ZEB1: variants seen among roughly 807,000 people sequenced by gnomAD.
ZEB1 encodes the protein zinc finger E-box binding homeobox 1.
Under a neutral mutation model 84.9 loss-of-function variants are expected in ZEB1, and 21 were observed. The observed-to-expected ratio is 0.25, with a 90% CI of 0.18 to 0.36. ZEB1 has a LOEUF of 0.36. Ranked by LOEUF, ZEB1 falls within the 10% of genes least tolerant of loss-of-function variation. ZEB1 has a pLI of 1.00. For missense variants in ZEB1, 1,104 were observed against 1,330.2 expected, an observed-to-expected ratio of 0.83 and a Z score of 2.65; for synonymous variants, 420 against 471.1, an observed-to-expected ratio of 0.89 and a Z score of 1.41.
At chr10:31,393,539 G>A (rs919247875) in intron 1 of ZEB1, among the ~76,000 whole-genome samples, 1 of 121,200 alleles carries the variant, frequency 8.3e-6, no homozygotes, top group Non-Finnish European at 1.5e-5. Context: ...AGTTGAGGTA[G>A]ATAGATATTA....
chr10:31,397,223 T>G (rs1281662511), intron 1 of ZEB1, among the ~76,000 whole-genome samples: 1 of 148,284 alleles, frequency 6.7e-6, no homozygotes, highest in Non-Finnish European at 1.5e-5. Flanking sequence ...CTAGGGTACA[T>G]GTGCACAACA....
At position 31,521,414 on chromosome 10, in the gene ZEB1, A is replaced by C; in HGVS notation, c.2082A>C (p.Ser694=). 6.2e-7 allele frequency: 1 copy of C among 1,614,124 alleles called. No homozygotes were observed. The highest frequency in any genetic ancestry group is 8.5e-7 in the Non-Finnish European group (1 of 1,180,016). Residue 694 remains serine, a synonymous_variant, in exon 7 of 9, where the codon TCA becomes TCC. Transcript: ENST00000424869. The part of the protein sequence containing the change: ...MTNSPVLPVG[S]TTNGSRSSTP... The stretch of plus-strand genomic sequence containing the variant: ...ACTCCCCAGTTTTACCAGTGGGATC[A>C]ACCACCAATGGTTCCAGAAGTAGTA...
chr10:31,321,250 C>T, intron 1 of ZEB1: 2 of 1,255,426 alleles, frequency 1.6e-6, no homozygotes, highest in Non-Finnish European at 2.0e-6. Context: ...TAAGCTGTTT[C>T]AAGATGTTTC....
chr10:31,498,352 T>G (rs563125730), intron 3 of ZEB1, among the ~76,000 whole-genome samples: 4 of 152,222 alleles, frequency 2.6e-5, no homozygotes, highest in African/African-American at 9.6e-5. Context: ...TCTGCTCTAA[T>G]AGTAATACAT....
intron 1 of ZEB1, among the ~76,000 whole-genome samples, chr10:31,441,385 A>G (rs912408692): frequency 6.6e-6 from 1 of 152,230 alleles, no homozygotes; most frequent in Non-Finnish European, 1.5e-5. Context: ...TCCTTTCCTT[A>G]CACCTGATAC....
intron 1 of ZEB1, among the ~76,000 whole-genome samples, chr10:31,441,388 C>A (rs943766581): frequency 1.3e-5 from 2 of 152,140 alleles, no homozygotes; most frequent in African/African-American, 4.8e-5. Context: ...TTTCCTTACA[C>A]CTGATACAAA....
chr10:31,342,172 A>G (rs533439317), intron 1 of ZEB1, among the ~76,000 whole-genome samples: 1 of 152,344 alleles, frequency 6.6e-6, no homozygotes, highest in Admixed American at 6.5e-5. Flanking sequence ...TGCCTGACAT[A>G]CAGAATAGGC....
intron 6 of ZEB1, among the ~76,000 whole-genome samples, chr10:31,514,922 G>C (rs1396684329): frequency 6.6e-6 from 1 of 151,948 alleles, no homozygotes; most frequent in African/African-American, 2.4e-5. Context: ...ACATACTCCA[G>C]ATTTCCTAAT....
rs1441663091 is a variant in ZEB1, at chr10:31,461,081, G to C, written c.103G>C (p.Asp35His). The change falls in exon 2 of 9, where the codon GAT becomes CAT. Residue 35 changes from aspartate (D) to histidine (H), a missense_variant. Coordinates refer to ENST00000424869, the MANE Select transcript of ZEB1 (RefSeq NM_001174096.2). Reference sequence around the variant, plus strand: ...GGTAGAAACAAATTCAGATTCAGATGATGAAGACAAACTGCATATTGTGGA... The same window carrying C: ...GGTAGAAACAAATTCAGATTCAGATCATGAAGACAAACTGCATATTGTGGA... ...TVVETNSDSD[D>H]EDKLHIVEEE... 2.5e-6 allele frequency: 4 copies of C among 1,611,242 alleles called. No individual in the cohort carries two copies. The highest frequency in any genetic ancestry group is 3.4e-6 in the Non-Finnish European group (4 of 1,179,514).
chr10:31,354,189 G>C (rs2041760140), intron 1 of ZEB1, among the ~76,000 whole-genome samples: 1 of 152,102 alleles, frequency 6.6e-6, no homozygotes, highest in Admixed American at 6.5e-5. Flanking sequence ...CTGAAACAAT[G>C]ATATTGGAAT....
intron 1 of ZEB1, among the ~76,000 whole-genome samples, chr10:31,429,403 A>G (rs1055941221): frequency 6.6e-6 from 1 of 152,102 alleles, no homozygotes; most frequent in Non-Finnish European, 1.5e-5. Context: ...TCTGGCTTGT[A>G]GGGTTTCGGA....
At chr10:31,505,419 G>A (rs220055) in intron 4 of ZEB1, among the ~76,000 whole-genome samples, 132,663 of 151,986 alleles carry the variant, frequency 0.87, 59,125 homozygotes, top group East Asian at 1. Context: ...TTTCAGTCCC[G>A]GACTTGAAAT....
At chr10:31,488,153 TTTC>T (rs762345896) in intron 2 of ZEB1, among the ~76,000 whole-genome samples, 1 of 151,354 alleles carries the variant, frequency 6.6e-6, no homozygotes, top group East Asian at 1.9e-4. Flanking sequence ...ATTGGTGTTA[TTTC>T]TTCTTTAAAT....
At position 31,448,492 on chromosome 10, in the gene ZEB1, C is replaced by T. The variant is rs1179100419; in HGVS notation, c.59-12545C>T. Reference sequence around the variant, plus strand: ...CCTTTGGAGGAGGAGAGGCACTCTGCGTTTTAGAGTTTCCACTTTTTCTGT... The same window carrying T: ...CCTTTGGAGGAGGAGAGGCACTCTGTGTTTTAGAGTTTCCACTTTTTCTGT... On this transcript the variant is annotated intron_variant, in intron 1 of 8. Transcript: ENST00000424869. Among the ~76,000 whole-genome samples the T allele has an allele frequency of 5.4e-5, 8 of 149,506 alleles. No individual in the cohort carries two copies. The East Asian group carries it at 1.2e-3, about 22-fold the overall frequency.
At chr10:31,449,910 T>A (rs1007494510) in intron 1 of ZEB1, among the ~76,000 whole-genome samples, 6 of 152,220 alleles carry the variant, frequency 3.9e-5, no homozygotes, top group African/African-American at 1.4e-4. Flanking sequence ...AGGGGTATAC[T>A]ATTAATATTT....
At chr10:31,446,696 G>T (rs1004859119) in intron 1 of ZEB1, among the ~76,000 whole-genome samples, 8 of 152,104 alleles carry the variant, frequency 5.3e-5, no homozygotes, top group African/African-American at 1.7e-4. Context: ...GGAGCAGGTT[G>T]TTCAGTTTCC....
At chr10:31,356,411 A>G (rs1189280288) in intron 1 of ZEB1, among the ~76,000 whole-genome samples, 2 of 152,006 alleles carry the variant, frequency 1.3e-5, no homozygotes, top group African/African-American at 4.8e-5. Context: ...AATGAATATC[A>G]GATTTGGAAG....
Position 31,400,441 on chromosome 10 carries a change from A to G in ZEB1, c.59-60596A>G, listed in dbSNP as rs529820414. Among the ~76,000 whole-genome samples the G allele has an allele frequency of 9.4e-4, 143 of 152,280 alleles. 2 individuals carry two copies. Among genetic ancestry groups the G allele is most frequent in the African/African-American group, 3.4e-3 (140 of 41,572 alleles). ...TGACTGTATACATTGGTATCATTAT[A>G]TATGTAGAACTTTCTTTTTTGCACA... On this transcript the variant is annotated intron_variant, in intron 1 of 8. Transcript: ENST00000424869.
intron 2 of ZEB1, among the ~76,000 whole-genome samples, chr10:31,474,371 A>G (rs953810462): frequency 1.0e-4 from 15 of 150,202 alleles, no homozygotes; most frequent in Non-Finnish European, 2.9e-5. Context: ...CAAGAAAAAA[A>G]CAAACAGCCC....
Sources: allele counts gnomAD v4.1 joint callset (sites outside exome capture counted in the v4.1 genomes callset), GRCh38; gene constraint gnomAD v4.1.1; transcripts MANE v1.5; gene names NCBI Gene and HGNC (gene_info 2026-07-23, HGNC 2026-07-21).